Variants in CASQ2 observed in about 807,000 individuals in gnomAD.
The protein encoded by CASQ2 is calsequestrin 2.
In CASQ2, 49 loss-of-function variants were observed where a neutral mutation model predicts 46.5. The ratio of observed to expected loss-of-function variants is 1.05; its 90% CI spans 0.84 to 1.34. The LOEUF is 1.34. CASQ2 is among the 40% of genes most tolerant of loss of function. The pLI is 0.00. For synonymous variants in CASQ2, 174 were observed against 168.5 expected (o/e 1.03, Z -0.25); for missense variants, 486 against 481.3 (o/e 1.01, Z -0.09).
At chr1:115,743,012 T>A (rs1262134246) in intron 2 of CASQ2, among the ~76,000 whole-genome samples, 5 of 151,886 alleles carry the variant, frequency 3.3e-5, no homozygotes, top group Non-Finnish European at 4.4e-5. Context: ...ATGGTCTCGA[T>A]CTCCTGACCT....
intron 1 of CASQ2, among the ~76,000 whole-genome samples, chr1:115,765,079 A>G (rs12750663): frequency 1.3e-5 from 2 of 151,756 alleles, no homozygotes; most frequent in Non-Finnish European, 2.9e-5. Context: ...TCACAAACCA[A>G]CTCTGGCCCT....
intron 9 of CASQ2, among the ~76,000 whole-genome samples, chr1:115,704,722 AGGTCCTGG>A (rs1185622245): frequency 1.3e-5 from 2 of 152,230 alleles, no homozygotes; most frequent in Middle Eastern, 3.2e-3. Flanking sequence ...ACACTATGCT[AGGTCCTGG>A]GGAGAACACG....
chr1:115,732,953 G>C lies in CASQ2; in HGVS notation c.554C>G (p.Ala185Gly). The change falls in exon 5 of 11, where the codon GCA (alanine) becomes GGA (glycine). Residue 185 changes from alanine to glycine, a missense_variant. Physicochemically the swap from Ala to Gly is moderately conservative, Grantham distance 60. Transcript: ENST00000261448. ...DSEYYKAFEE[A>G]AEHFQPYIKF... ...GATGTAAGGCTGGAAGTGTTCAGCT[G>C]CTTCTTCAAAAGCCTTGTAGTCTAA... 6.2e-7 allele frequency: 1 copy of C among 1,613,584 alleles called. No individual in the cohort carries two copies. The highest frequency in any genetic ancestry group is 8.5e-7 in the Non-Finnish European group (1 of 1,179,586).
intron 1 of CASQ2, among the ~76,000 whole-genome samples, chr1:115,765,321 C>T (rs2101126721): frequency 6.6e-6 from 1 of 152,306 alleles, no homozygotes; most frequent in South Asian, 2.1e-4. Context: ...CAGGCAGTGA[C>T]CTCCTCACTC....
intron 1 of CASQ2, among the ~76,000 whole-genome samples, chr1:115,757,342 T>G (rs186493955): frequency 1.3e-5 from 2 of 152,300 alleles, no homozygotes; most frequent in East Asian, 3.9e-4. Flanking sequence ...GAGCACCTCC[T>G]GAGAAAGTAT....
chr1:115,725,944 C>T (rs1220540074), intron 6 of CASQ2, among the ~76,000 whole-genome samples: 1 of 152,154 alleles, frequency 6.6e-6, no homozygotes, highest in Non-Finnish European at 1.5e-5. Context: ...CAGGAAATCT[C>T]GGATTTTGTA....
At chr1:115,722,663 A>G (rs1647418243) in intron 7 of CASQ2, among the ~76,000 whole-genome samples, 1 of 152,260 alleles carries the variant, frequency 6.6e-6, no homozygotes, top group South Asian at 2.1e-4. Context: ...ACAGCAGAAG[A>G]GAACATCAAT....
intron 2 of CASQ2, among the ~76,000 whole-genome samples, 178 bp from the exon 3 acceptor site, chr1:115,741,006 C>T (rs1318086729): frequency 2.0e-5 from 3 of 152,174 alleles, no homozygotes; most frequent in African/African-American, 7.2e-5. Context: ...CTGAAGTGAA[C>T]ATTTAATTGG....
intron 1 of CASQ2, among the ~76,000 whole-genome samples, chr1:115,762,757 G>A (rs969035195): frequency 6.6e-6 from 1 of 152,170 alleles, no homozygotes; most frequent in East Asian, 1.9e-4. Flanking sequence ...CTGGAATGCT[G>A]GACTCCTAGC....
Position 115,768,617 on chromosome 1 carries a change from T to A in CASQ2, c.-76A>T, listed in dbSNP as rs905656663. 8 of 951,118 alleles carry A rather than the reference T, an allele frequency of 8.4e-6. No individual in the cohort carries two copies. Among genetic ancestry groups the A allele is most frequent in the Admixed American group, 2.0e-5 (1 of 51,180 alleles). 58.9% of individuals were successfully genotyped at this position (951,118 alleles called of 1,614,324 possible). On this transcript the variant is annotated 5_prime_UTR_variant, in exon 1 of 11. Transcript: ENST00000261448. ...GGACAGAAGACTGTTAGAGGCCTTG[T>A]TGAGCCAAGGAGAGAGCAGACAGGC...
intron 8 of CASQ2, among the ~76,000 whole-genome samples, chr1:115,708,980 C>G (rs571581242): frequency 3.3e-5 from 5 of 152,332 alleles, no homozygotes; most frequent in Non-Finnish European, 5.9e-5. Flanking sequence ...ATAACTGGGT[C>G]AGGGAAAGGT....
chr1:115,755,978 A>ACTT (rs10687237), intron 1 of CASQ2, among the ~76,000 whole-genome samples: 10,729 of 152,160 alleles, frequency 0.071, 1,272 homozygotes, highest in African/African-American at 0.24. Flanking sequence ...TGTTGCATTC[A>ACTT]CTTCTTCTGT....
At chr1:115,758,397 C>G (rs1648832015) in intron 1 of CASQ2, among the ~76,000 whole-genome samples, 1 of 152,208 alleles carries the variant, frequency 6.6e-6, no homozygotes, top group Non-Finnish European at 1.5e-5. Context: ...TTGACAAATG[C>G]TGTTGAATAC....
At chr1:115,729,401 G>T (rs529873141) in intron 5 of CASQ2, among the ~76,000 whole-genome samples, 1 of 152,218 alleles carries the variant, frequency 6.6e-6, no homozygotes, top group East Asian at 1.9e-4. Context: ...GGACTGAAGG[G>T]ATTTGATTGG....
chr1:115,725,466 T>C, intron 7 of CASQ2, 42 bp downstream of exon 7: 1 of 1,605,452 alleles, frequency 6.2e-7, no homozygotes, highest in Non-Finnish European at 8.5e-7. Flanking sequence ...TTTGGGACTA[T>C]ACTCATCTCT....
rs1241455675 is a variant in CASQ2, at chr1:115,700,337, T to C, written c.*904A>G. The C allele has an allele frequency of 2.0e-5, 3 of 152,430 alleles. No individual in the cohort carries two copies. Among genetic ancestry groups the C allele is most frequent in the Non-Finnish European group, 4.4e-5 (3 of 68,022 alleles). The allele number at this position is 152,430 out of a possible 1,614,324, so 9.4% of individuals were successfully genotyped here. ...GTTAATTGACTGCTGGATAAAGCAA[T>C]CTTTAATCTAAATGGGAAGGCTCAC... On this transcript the variant is annotated 3_prime_UTR_variant, in exon 11 of 11. Transcript: ENST00000261448.
chr1:115,762,080 C>G (rs1648983531), intron 1 of CASQ2, among the ~76,000 whole-genome samples: 1 of 152,188 alleles, frequency 6.6e-6, no homozygotes, highest in East Asian at 1.9e-4. Flanking sequence ...CACCGGGCAG[C>G]AGCCTTAGAC....
chr1:115,758,705 G>A (rs1259681007), intron 1 of CASQ2, among the ~76,000 whole-genome samples: 6 of 152,148 alleles, frequency 3.9e-5, no homozygotes, highest in Non-Finnish European at 8.8e-5. Flanking sequence ...TTGTTAAAAA[G>A]AGCCTTGCAC....
At chr1:115,725,967 CT>C (rs922832524) in intron 6 of CASQ2, among the ~76,000 whole-genome samples, 1 of 152,124 alleles carries the variant, frequency 6.6e-6, no homozygotes, top group African/African-American at 2.4e-5. Flanking sequence ...TTAAAACTGC[CT>C]TTGTTTTATC....
Sources: gnomAD v4.1 joint callset for allele counts (sites outside exome capture counted in the v4.1 genomes callset) on GRCh38, gnomAD v4.1.1 for gene constraint, MANE v1.5 for transcripts, NCBI Gene and HGNC (gene_info 2026-07-23, HGNC 2026-07-21) for gene names.